FMO5: variants seen among roughly 807,000 people sequenced by gnomAD.
FMO5 encodes the protein flavin-containing monooxygenase 5.
In FMO5, 51 loss-of-function variants were observed where a neutral mutation model predicts 43.6. That is an observed-to-expected ratio of 1.17 (90% CI 0.93 to 1.48). The LOEUF (loss-of-function observed/expected upper bound fraction) is 1.48, where lower values mean the gene tolerates loss of function less well. Among genes scored for constraint, FMO5 ranks in the 40% most tolerant of loss-of-function variants. The pLI is 0.00. For synonymous variants in FMO5, 187 were observed against 216.5 expected (o/e 0.86, Z 1.20); for missense variants, 644 against 643.0 (o/e 1.00, Z -0.02).
intron 5 of FMO5, 137 bp from the exon 6 acceptor site, chr1:147,209,188 G>C (rs1660639919): frequency 1.7e-6 from 1 of 585,416 alleles, no homozygotes; most frequent in Non-Finnish European, 3.0e-6. Flanking sequence ...GGGAGGCCAA[G>C]GCGGGCGGAT....
intron 2 of FMO5, among the ~76,000 whole-genome samples, chr1:147,221,934 G>A (rs1344792150): frequency 6.6e-6 from 1 of 152,194 alleles, no homozygotes; most frequent in Non-Finnish European, 1.5e-5. Flanking sequence ...TTGGGTTAGT[G>A]AGTAGAAGAA....
At chr1:147,190,429 C>T (rs587674783) in intron 7 of FMO5, among the ~76,000 whole-genome samples, 180 bp from the exon 8 acceptor site, 3 of 152,252 alleles carry the variant, frequency 2.0e-5, no homozygotes, top group South Asian at 2.1e-4. Context: ...ACATCTGCAG[C>T]TTACTCTACT....
intron 6 of FMO5, chr1:147,208,518 C>T (rs1265206531): frequency 5.5e-6 from 1 of 181,538 alleles, no homozygotes; most frequent in African/African-American, 2.4e-5. Context: ...CAGCTCACTG[C>T]AACCTCTGCC....
At chr1:147,198,818 T>C (rs1433225085) in intron 7 of FMO5, among the ~76,000 whole-genome samples, 18 of 122,154 alleles carry the variant, frequency 1.5e-4, no homozygotes, top group African/African-American at 5.7e-4. Context: ...GCCACTGCAC[T>C]CCAGCCTGGG....
chr1:147,217,075 T>C (rs1553925192), intron 2 of FMO5, among the ~76,000 whole-genome samples: 1 of 151,962 alleles, frequency 6.6e-6, no homozygotes, highest in African/African-American at 2.4e-5. Flanking sequence ...ACCCTGTCTC[T>C]ACTAAAAATA....
intron 7 of FMO5, among the ~76,000 whole-genome samples, chr1:147,200,593 C>CG (rs1157256849): frequency 1.5e-4 from 23 of 149,908 alleles, no homozygotes; most frequent in South Asian, 4.2e-4. Context: ...ACCTATTCCC[C>CG]TTTTTTTTTC....
At chr1:147,184,626 T>G, downstream of FMO5, 1 of 1,540,826 alleles carries the variant, frequency 6.5e-7, no homozygotes, top group Non-Finnish European at 8.7e-7. This position sits in a 1 kb window ranked among gnomAD's most constrained non-coding sequence, Gnocchi z 4.4. Flanking sequence ...TTTCTCATGG[T>G]TAGACTGCAT....
At chr1:147,225,095 G>T in intron 1 of FMO5, 29 bp from the exon 2 acceptor site, 1 of 1,609,688 alleles carries the variant, frequency 6.2e-7, no homozygotes, top group Non-Finnish European at 8.5e-7. Flanking sequence ...AAGACAAAAA[G>T]CACACATCGG....
rs1553921014 is a variant in FMO5, at chr1:147,201,528, G to T, written c.831-24C>A. 3 of 1,569,532 alleles carry T rather than the reference G, an allele frequency of 1.9e-6. No individual in the cohort carries two copies. The East Asian group carries it at 6.7e-5, about 35-fold the overall frequency. On this transcript the variant is annotated intron_variant, in intron 6 of 8. Transcript: ENST00000254090. ...CTCTGTGAGTCGTGACAAAGATCAA[G>T]TGGAGAAATGAGAGAAAGAGAAATC...
chr1:147,187,132 G>T lies in FMO5; in HGVS notation c.1370C>A (p.Pro457His). ...CAGTAATAAGTGTAATGCCAGCTTG[G>T]GGTCAGTGAAGGCCAGAGACAGCAG... Reference protein sequence around the residue: ...PNLLSLAFTDPKLALHLLLGP... With the variant: ...PNLLSLAFTDHKLALHLLLGP... Residue 457 changes from proline to histidine, a missense_variant, in exon 9 of 9, where the codon CCC becomes CAC. Transcript: ENST00000254090. 6.2e-7 allele frequency: 1 copy of T among 1,614,118 alleles called. No individual in the cohort carries two copies. The highest frequency in any genetic ancestry group is 2.2e-5 in the East Asian group (1 of 44,858).
At chr1:147,217,172 G>A (rs989219238) in intron 2 of FMO5, among the ~76,000 whole-genome samples, 19 of 152,044 alleles carry the variant, frequency 1.2e-4, no homozygotes, top group South Asian at 2.1e-4. Context: ...CCCGGGAGGC[G>A]GAGGTTGCGG....
intron 7 of FMO5, among the ~76,000 whole-genome samples, chr1:147,190,691 T>C (rs1553918252): frequency 6.6e-6 from 1 of 152,158 alleles, no homozygotes; most frequent in Non-Finnish European, 1.5e-5. Flanking sequence ...TTTTTTGTTT[T>C]TATTATTATA....
intron 7 of FMO5, among the ~76,000 whole-genome samples, chr1:147,196,621 G>A (rs6700135): frequency 0.037 from 5,607 of 151,996 alleles, 157 homozygotes; most frequent in South Asian, 0.096. Context: ...TTAAAAAGAT[G>A]TATACATCTT....
chr1:147,205,489 C>CATTT (rs1553922070), intron 6 of FMO5, among the ~76,000 whole-genome samples: 1 of 152,060 alleles, frequency 6.6e-6, no homozygotes, highest in Non-Finnish European at 1.5e-5. Flanking sequence ...TTATGCAAGT[C>CATTT]TAAATTTAGA....
At chr1:147,212,139 C>G (rs1457061810) in intron 5 of FMO5, among the ~76,000 whole-genome samples, 1 of 152,168 alleles carries the variant, frequency 6.6e-6, no homozygotes, top group Non-Finnish European at 1.5e-5. Flanking sequence ...GATAATGAGC[C>G]CAGACTTTAG....
chr1:147,201,590 A>T (rs1658983423), intron 6 of FMO5, 86 bp from the exon 7 acceptor site: 2 of 931,070 alleles, frequency 2.1e-6, no homozygotes, highest in African/African-American at 1.6e-5. Context: ...TGGTGGAGGT[A>T]AACAGGATGC....
chr1:147,203,451 C>T (rs915465377), intron 6 of FMO5: 7 of 834,382 alleles, frequency 8.4e-6, no homozygotes, highest in Admixed American at 1.7e-5. Flanking sequence ...CCAACATGTC[C>T]GTTACAGCAG....
chr1:147,204,311 G>T, intron 6 of FMO5: 1 of 966,562 alleles, frequency 1.0e-6, no homozygotes, highest in Non-Finnish European at 1.7e-6. Context: ...CCACAGCCCA[G>T]AATTTTACAA....
intron 6 of FMO5, among the ~76,000 whole-genome samples, chr1:147,202,060 G>A (rs7537279): frequency 0.093 from 14,091 of 152,180 alleles, 734 homozygotes; most frequent in African/African-American, 0.15. Context: ...ATAAATGAGG[G>A]AATTGAGGCC....
Sources: allele counts gnomAD v4.1 joint callset (sites outside exome capture counted in the v4.1 genomes callset), GRCh38; gene constraint gnomAD v4.1.1; non-coding constraint Gnocchi (gnomAD v3.1); transcripts MANE v1.5; gene names NCBI Gene and HGNC (gene_info 2026-07-23, HGNC 2026-07-21).